EIF4G3: variants seen among roughly 807,000 people sequenced by gnomAD.
EIF4G3 encodes eukaryotic translation initiation factor 4 gamma 3.
EIF4G3 carries 34 observed loss-of-function variants against 186.4 expected under a neutral mutation model. That is an observed-to-expected ratio of 0.18 (90% confidence interval 0.14 to 0.24). The LOEUF (loss-of-function observed/expected upper bound fraction) is 0.24. Ranked by LOEUF, EIF4G3 falls within the 10% of genes least tolerant of loss-of-function variation. EIF4G3 has a pLI of 1.00. For synonymous variants in EIF4G3, 673 were observed against 679.5 expected, an observed-to-expected ratio of 0.99 and a Z score of 0.15; for missense variants, 1,536 against 1,948.5, an observed-to-expected ratio of 0.79 and a Z score of 3.99.
chr1:21,102,932 TC>T (rs1174441229), intron 2 of EIF4G3, among the ~76,000 whole-genome samples: 1 of 152,220 alleles, frequency 6.6e-6, no homozygotes, highest in Non-Finnish European at 1.5e-5. Context: ...ATTTCAATTC[TC>T]TTTCCTATTA....
rs2095733626 is a variant in EIF4G3 at position 20,941,962 on chromosome 1, C to A, written c.1192G>T (p.Val398Leu). The A allele has an allele frequency of 1.2e-6, 2 of 1,614,022 alleles. No homozygotes were observed. The highest frequency in any genetic ancestry group is 2.2e-5 in the South Asian group (2 of 91,084). ...ACCAGTGGAATATCATTAGGTGCTA[C>A]ACTACAGGGTTTCTTGCATATATCA... ...DDDICKKPCS[V>L]APNDIPLVSS... Residue 398 changes from valine to leucine, a missense_variant, in exon 14 of 37, where the codon GTA becomes TTA. Val to Leu is a conservative substitution (Grantham distance 32). Coordinates refer to ENST00000602326, the MANE Select transcript of EIF4G3 (RefSeq NM_001391906.1).
chr1:21,015,768 A>AC (rs1049110474), intron 4 of EIF4G3, among the ~76,000 whole-genome samples: 2 of 151,452 alleles, frequency 1.3e-5, no homozygotes, highest in East Asian at 1.9e-4. Context: ...AAAAAAAAAA[A>AC]AAAACCCTAT....
chr1:20,813,422 A>G (rs886085464), intron 34 of EIF4G3, among the ~76,000 whole-genome samples, 183 bp from the exon 35 acceptor site: 18 of 127,172 alleles, frequency 1.4e-4, no homozygotes, highest in African/African-American at 4.5e-4. Context: ...AAAAAAAAAA[A>G]GCTGGGTATG....
chr1:21,053,417 G>A (rs1212952065), intron 3 of EIF4G3, among the ~76,000 whole-genome samples: 1 of 150,376 alleles, frequency 6.6e-6, no homozygotes, highest in Non-Finnish European at 1.5e-5. Context: ...GAAGGGAGGT[G>A]GGGGGGTTAG....
chr1:20,831,986 A>G (rs1199937941), intron 30 of EIF4G3, among the ~76,000 whole-genome samples: 2 of 125,960 alleles, frequency 1.6e-5, no homozygotes, highest in East Asian at 4.9e-4. Flanking sequence ...TATGTGCCAC[A>G]TTTTCTTAAT....
At chr1:21,131,469 T>A (rs12122403) in intron 2 of EIF4G3, among the ~76,000 whole-genome samples, 9,226 of 125,906 alleles carry the variant, frequency 0.073, 370 homozygotes, top group Middle Eastern at 0.11. Flanking sequence ...AAAAAAAAAA[T>A]TCCAAACCAC....
intron 2 of EIF4G3, among the ~76,000 whole-genome samples, chr1:21,099,613 CA>C: frequency 6.6e-6 from 1 of 152,232 alleles, no homozygotes; most frequent in South Asian, 2.1e-4. Context: ...CTAGTTAAGA[CA>C]AAAATGTAGA....
intron 19 of EIF4G3, among the ~76,000 whole-genome samples, chr1:20,885,887 G>A (rs549337255): frequency 6.6e-6 from 1 of 152,276 alleles, no homozygotes; most frequent in African/African-American, 2.4e-5. Flanking sequence ...AGGATAAAGA[G>A]ACTCAATCAC....
At chr1:20,932,186 C>G (rs1323348002) in intron 14 of EIF4G3, among the ~76,000 whole-genome samples, 2 of 152,154 alleles carry the variant, frequency 1.3e-5, no homozygotes, top group African/African-American at 4.8e-5. Context: ...TCAAACTTTT[C>G]TTCTGCAGCT....
chr1:21,022,528 A>G (rs990998749), intron 4 of EIF4G3, among the ~76,000 whole-genome samples: 1 of 152,166 alleles, frequency 6.6e-6, no homozygotes, highest in Middle Eastern at 3.2e-3. Context: ...GGAAATTTCT[A>G]CCTCACCACA....
intron 14 of EIF4G3, among the ~76,000 whole-genome samples, chr1:20,918,033 T>C (rs1176148457): frequency 6.6e-6 from 1 of 152,174 alleles, no homozygotes; most frequent in East Asian, 1.9e-4. Flanking sequence ...TGTTGCCTTT[T>C]ATCTTTTACT....
rs185764796 is a variant in EIF4G3 at position 21,025,442 on chromosome 1, C to T, written c.-66-22634G>A. On this transcript the variant is annotated intron_variant, in intron 4 of 36. Coordinates refer to ENST00000602326, the MANE Select transcript of EIF4G3 (RefSeq NM_001391906.1). ...AGGGCCTGATAACAGCAGTGGATCTCGACAGAAAAAAAAAAGGCAGATTTG... is the reference window on the plus strand; with the variant it reads ...AGGGCCTGATAACAGCAGTGGATCTTGACAGAAAAAAAAAAGGCAGATTTG... 1.1e-3 allele frequency among the ~76,000 whole-genome samples: 172 copies of T among 150,624 alleles called. 1 individual carries two copies. The highest frequency in any genetic ancestry group is 4.0e-3 in the African/African-American group (165 of 40,948).
chr1:20,836,339 C>T (rs2066757392), intron 30 of EIF4G3, among the ~76,000 whole-genome samples: 1 of 152,118 alleles, frequency 6.6e-6, no homozygotes, highest in Non-Finnish European at 1.5e-5. Context: ...AACTCCCGGG[C>T]TCAAGCAATC....
intron 12 of EIF4G3, among the ~76,000 whole-genome samples, chr1:20,952,076 A>G (rs891700829): frequency 1.3e-5 from 2 of 152,194 alleles, no homozygotes; most frequent in Non-Finnish European, 2.9e-5. Flanking sequence ...AAGATCCTAC[A>G]GTCTCCTTCA....
chr1:21,150,450 A>T (rs2097532104), intron 2 of EIF4G3, among the ~76,000 whole-genome samples: 1 of 152,218 alleles, frequency 6.6e-6, no homozygotes, highest in African/African-American at 2.4e-5. Flanking sequence ...ATGTGAGATC[A>T]GCACTATACT....
chr1:21,154,688 C>T (rs1410417357), intron 2 of EIF4G3, among the ~76,000 whole-genome samples: 1 of 152,106 alleles, frequency 6.6e-6, no homozygotes, highest in Non-Finnish European at 1.5e-5. Context: ...TCAAAGGCAG[C>T]CAATTTAACC....
chr1:20,846,967 T>C lies in EIF4G3; in HGVS notation c.3888+2448A>G, dbSNP rs866651628. On this transcript the variant is annotated intron_variant, in intron 29 of 36. Transcript: ENST00000602326. Reference sequence around the variant, plus strand: ...CACTGTTAAAAACAATAGCACCTAATAGGAAGATATTTGGAAAAAATATTT... The same window carrying C: ...CACTGTTAAAAACAATAGCACCTAACAGGAAGATATTTGGAAAAAATATTT... Among the ~76,000 whole-genome samples the C allele has an allele frequency of 5.7e-4, 87 of 152,284 alleles. 1 individual carries two copies. Among genetic ancestry groups the C allele is most frequent in the African/African-American group, 2.1e-3 (87 of 41,564 alleles).
In EIF4G3 at chr1:21,030,836, T is replaced by C. The variant is rs77916010; in HGVS notation, c.-67+20030A>G. Among the ~76,000 whole-genome samples the C allele has an allele frequency of 6.3e-3, 958 of 152,290 alleles. 10 individuals carry two copies. Among genetic ancestry groups the C allele is most frequent in the African/African-American group, 0.021 (856 of 41,562 alleles). On this transcript the variant is annotated intron_variant, in intron 4 of 36. Coordinates refer to ENST00000602326, the MANE Select transcript of EIF4G3 (RefSeq NM_001391906.1). ...AGTGCAGATCTAGACTGTGTCCATA[T>C]AGATTGCTGAATATGTGTCTATATA... is the stretch of plus-strand genomic sequence containing the variant.
chr1:21,033,111 A>G (rs2092881076), intron 4 of EIF4G3, among the ~76,000 whole-genome samples: 1 of 152,202 alleles, frequency 6.6e-6, no homozygotes, highest in South Asian at 2.1e-4. Context: ...ACATCAAGGT[A>G]ATCACCATGA....
Sources: allele counts gnomAD v4.1 joint callset (sites outside exome capture counted in the v4.1 genomes callset), GRCh38; gene constraint gnomAD v4.1.1; transcripts MANE v1.5; gene names NCBI Gene and HGNC (gene_info 2026-07-23, HGNC 2026-07-21).